MAGED1: variants seen among roughly 807,000 people sequenced by gnomAD.
MAGED1 encodes the protein melanoma-associated antigen D1.
MAGED1 carries 3 observed loss-of-function variants against 54.1 expected under a neutral mutation model. The ratio of observed to expected loss-of-function variants is 0.06; its 90% confidence interval spans 0.03 to 0.14. The LOEUF is 0.14. MAGED1 is among the 10% of genes least tolerant of loss of function. The probability of loss-of-function intolerance (pLI) is 1.00; values close to 1 mark genes in which losing one functional copy is unlikely to be tolerated. For synonymous variants in MAGED1, 217 were observed against 227.3 expected (o/e 0.95, Z 0.41); for missense variants, 485 against 623.4 (o/e 0.78, Z 2.36).
At chrX:51,861,428 A>T (rs1326824048) in intron 1 of MAGED1, among the ~76,000 whole-genome samples, 1 of 111,745 alleles carries the variant, frequency 8.9e-6, no homozygotes, top group African/African-American at 3.2e-5. Context: ...CCATTATTTC[A>T]TGAGTTACCT....
At chrX:51,871,852 C>T (rs1218854791) in intron 1 of MAGED1, among the ~76,000 whole-genome samples, 8 of 111,647 alleles carry the variant, frequency 7.2e-5, no homozygotes, top group Admixed American at 9.5e-5. Context: ...ATCGCCACAC[C>T]GACTTCTACA....
In MAGED1 at chrX:51,896,777, G is replaced by T. The variant is rs1397289172; in HGVS notation, c.1122G>T (p.Trp374Cys). The T allele has an allele frequency of 8.3e-7, 1 of 1,209,165 alleles. No homozygotes were observed. The highest frequency in any genetic ancestry group is 1.7e-5 in the African/African-American group (1 of 57,326). ...TTGTCTGGCCGAATCCACTGGCCTG[G>T]CAGAATCCACCTGGATGGCAGACTC... is the stretch of plus-strand genomic sequence containing the variant. ...GPVVWPNPLAWQNPPGWQTPP... is the reference protein window; with the variant it reads ...GPVVWPNPLACQNPPGWQTPP... The change falls in exon 4 of 13, where the codon TGG becomes TGT. Residue 374 changes from tryptophan to cysteine, a missense_variant. Physicochemically the swap from Trp to Cys is radical, Grantham distance 215. Around this residue, in one of 2 missense-constraint regions of MAGED1, gnomAD observed 299 missense variants for 293.1 expected, o/e 1.02. Transcript: ENST00000326587.
intron 1 of MAGED1, among the ~76,000 whole-genome samples, chrX:51,877,125 A>T (rs1927897746): frequency 9.0e-6 from 1 of 110,742 alleles, no homozygotes; most frequent in South Asian, 3.8e-4. Flanking sequence ...AAAGTCATAG[A>T]TTGCATTTTT....
At chrX:51,816,467 A>G (rs1462938743) in intron 1 of MAGED1, among the ~76,000 whole-genome samples, 1 of 111,595 alleles carries the variant, frequency 9.0e-6, no homozygotes, top group African/African-American at 3.3e-5. Context: ...ATGTTTAGGT[A>G]GGTTTAGATA....
intron 1 of MAGED1, among the ~76,000 whole-genome samples, chrX:51,813,817 T>C (rs1473633150): frequency 8.9e-6 from 1 of 111,916 alleles, no homozygotes; most frequent in Admixed American, 9.5e-5. Context: ...ACATTGAGCC[T>C]GCAAGGGTAG....
At chrX:51,851,512 C>T (rs782337608) in intron 1 of MAGED1, among the ~76,000 whole-genome samples, 1 of 111,099 alleles carries the variant, frequency 9.0e-6, no homozygotes, top group African/African-American at 3.3e-5. Context: ...GTAAATTAGG[C>T]ACAGTTAACA....
At chrX:51,897,466 C>A in intron 5 of MAGED1, 81 bp from the exon 6 acceptor site, 1 of 876,728 alleles carries the variant, frequency 1.1e-6, no homozygotes, top group Non-Finnish European at 1.7e-6. Context: ...CTTGACTGTG[C>A]TACCCCCAGC....
intron 1 of MAGED1, among the ~76,000 whole-genome samples, chrX:51,811,974 T>C (rs1270605819): frequency 3.6e-5 from 4 of 110,197 alleles, no homozygotes; most frequent in Non-Finnish European, 5.7e-5. Flanking sequence ...GAACATGTAA[T>C]TGACTTAAAC....
At chrX:51,851,590 C>T (rs965630221) in intron 1 of MAGED1, among the ~76,000 whole-genome samples, 1 of 109,586 alleles carries the variant, frequency 9.1e-6, no homozygotes, top group Admixed American at 9.9e-5. Flanking sequence ...GTAATGTGGT[C>T]TCTTTCTCTC....
chrX:51,897,356 C>T, intron 5 of MAGED1, 85 bp downstream of exon 5: 1 of 909,375 alleles, frequency 1.1e-6, no homozygotes, highest in Non-Finnish European at 1.6e-6. Context: ...TAGCTCTGCC[C>T]TTCCCTTCAC....
chrX:51,804,436 C>T (rs1924960323), intron 1 of MAGED1, among the ~76,000 whole-genome samples: 1 of 111,951 alleles, frequency 8.9e-6, no homozygotes, highest in South Asian at 3.7e-4. Flanking sequence ...TTGCTGATGT[C>T]TCTTTATACT....
chrX:51,838,889 C>CT (rs1234616510), intron 1 of MAGED1, among the ~76,000 whole-genome samples: 20 of 108,858 alleles, frequency 1.8e-4, no homozygotes, highest in Non-Finnish European at 2.9e-4. Flanking sequence ...TTTCAAATTG[C>CT]TTTTTTTTTC....
intron 1 of MAGED1, among the ~76,000 whole-genome samples, chrX:51,842,756 G>A (rs1926543368): frequency 9.0e-6 from 1 of 111,193 alleles, no homozygotes; most frequent in Non-Finnish European, 1.9e-5. Context: ...AGTGGTCTTG[G>A]CTCACTGCAT....
intron 1 of MAGED1, among the ~76,000 whole-genome samples, chrX:51,808,271 G>A (rs1353072579): frequency 2.7e-5 from 3 of 111,848 alleles, no homozygotes; most frequent in Non-Finnish European, 5.6e-5. Context: ...TATATATTTA[G>A]TACTTTTCAA....
At chrX:51,846,081 T>G (rs1926679494) in intron 1 of MAGED1, among the ~76,000 whole-genome samples, 1 of 111,859 alleles carries the variant, frequency 8.9e-6, no homozygotes, top group Non-Finnish European at 1.9e-5. Context: ...CGGCCCGATG[T>G]GAATCTTTGG....
chrX:51,900,113 A>G (rs1249419702), intron 10 of MAGED1, 69 bp from the exon 11 acceptor site: 2 of 672,509 alleles, frequency 3.0e-6, no homozygotes, highest in African/African-American at 2.2e-5. Context: ...AAAATGTAAG[A>G]TTATTTTTCA....
chrX:51,823,896 T>C (rs1212157023), intron 1 of MAGED1, among the ~76,000 whole-genome samples: 2 of 111,705 alleles, frequency 1.8e-5, no homozygotes, highest in East Asian at 5.6e-4. Flanking sequence ...ACAAAAGCTT[T>C]GCTTCTTTAA....
intron 1 of MAGED1, among the ~76,000 whole-genome samples, chrX:51,832,934 T>A (rs150558218): frequency 9.5e-4 from 106 of 111,914 alleles, no homozygotes; most frequent in African/African-American, 3.0e-3. Context: ...GTTTTATTAG[T>A]GGTCTTTATC....
chrX:51,819,458 A>G (rs1329015240), intron 1 of MAGED1, among the ~76,000 whole-genome samples: 1 of 109,847 alleles, frequency 9.1e-6, no homozygotes, highest in Non-Finnish European at 1.9e-5. Context: ...ACCAGTCTCA[A>G]CGTCTAACCT....
Sources: allele counts gnomAD v4.1 joint callset (sites outside exome capture counted in the v4.1 genomes callset), GRCh38; gene constraint gnomAD v4.1.1; regional missense constraint gnomAD v4.1.1; transcripts MANE v1.5; gene names NCBI Gene and HGNC (gene_info 2026-07-23, HGNC 2026-07-21).